The following MAD1L1 variants were observed in gnomAD, a reference collection of about 807,000 sequenced individuals.
MAD1L1 encodes the protein mitotic arrest deficient 1 like 1.
MAD1L1 carries 95 observed loss-of-function variants against 96.9 expected under a neutral mutation model. The observed-to-expected ratio is 0.98, with a 90% confidence interval of 0.83 to 1.16. The LOEUF (loss-of-function observed/expected upper bound fraction) is 1.16. Ranked by LOEUF, MAD1L1 falls within the 50% of genes most tolerant of loss-of-function variation. MAD1L1 has a pLI of 0.00. For missense variants in MAD1L1, 1,007 were observed against 954.4 expected (o/e 1.06, Z -0.73); for synonymous variants, 473 against 396.6 (o/e 1.19, Z -2.29).
intron 15 of MAD1L1, among the ~76,000 whole-genome samples, chr7:1,975,135 C>A (rs987495953): frequency 1.3e-5 from 2 of 152,212 alleles, no homozygotes; most frequent in Admixed American, 1.3e-4. Flanking sequence ...CAGCCTTCAC[C>A]CTGTTGACCT....
At position 2,149,306 on chromosome 7, in the gene MAD1L1, A is replaced by G. The variant is rs1332215693; in HGVS notation, c.987-68T>C. On this transcript the variant is annotated intron_variant, in intron 10 of 18. Coordinates refer to ENST00000265854, the MANE Select transcript of MAD1L1 (RefSeq NM_001013836.2). ...GAAGTAAACCTGATTCTGCACACAAAACAGAAGGCCAAAAGCAACCTCTGT... is the reference window on the plus strand; with the variant it reads ...GAAGTAAACCTGATTCTGCACACAAGACAGAAGGCCAAAAGCAACCTCTGT... 30 of 1,306,388 alleles carry G rather than the reference A, an allele frequency of 2.3e-5. No individual in the cohort carries two copies. The East Asian group carries it at 3.7e-4, about 16-fold the overall frequency. 80.9% of individuals were successfully genotyped at this position (1,306,388 alleles called of 1,614,324 possible).
chr7:1,887,780 TGTGC>T (rs1786186478), intron 18 of MAD1L1, among the ~76,000 whole-genome samples: 1 of 146,510 alleles, frequency 6.8e-6, no homozygotes, highest in African/African-American at 2.5e-5. Context: ...TGCCTGTGTG[TGTGC>T]ATGTGTGCAT....
chr7:2,063,249 C>A (rs994989570), intron 12 of MAD1L1, among the ~76,000 whole-genome samples: 2 of 152,160 alleles, frequency 1.3e-5, no homozygotes, highest in Admixed American at 6.6e-5. Context: ...GACCTCACTG[C>A]GCCAAAATCT....
At chr7:1,908,651 C>T (rs1228649314) in intron 17 of MAD1L1, among the ~76,000 whole-genome samples, 1 of 152,180 alleles carries the variant, frequency 6.6e-6, no homozygotes, top group East Asian at 1.9e-4. Flanking sequence ...GTGAGCCCCG[C>T]ACCCGGCCTC....
chr7:2,030,585 G>A (rs889221471), intron 12 of MAD1L1, among the ~76,000 whole-genome samples: 26 of 152,186 alleles, frequency 1.7e-4, no homozygotes, highest in Non-Finnish European at 3.1e-4. Flanking sequence ...ACAGGTGGCC[G>A]GACCCCGCAG....
intron 18 of MAD1L1, among the ~76,000 whole-genome samples, chr7:1,860,435 G>C (rs1784488175): frequency 6.6e-6 from 1 of 150,580 alleles, no homozygotes; most frequent in Non-Finnish European, 1.5e-5. Flanking sequence ...GGTGGCCCCT[G>C]TCTCCCTAGA....
intron 17 of MAD1L1, among the ~76,000 whole-genome samples, chr7:1,908,545 G>T (rs1174058104): frequency 6.6e-6 from 1 of 152,094 alleles, no homozygotes; most frequent in Non-Finnish European, 1.5e-5. Flanking sequence ...ACCACACTGG[G>T]CTAATATATA....
chr7:2,132,401 G>A (rs1037280029), intron 11 of MAD1L1, among the ~76,000 whole-genome samples: 2 of 97,256 alleles, frequency 2.1e-5, no homozygotes, highest in African/African-American at 3.2e-5. Flanking sequence ...CATCACGGCC[G>A]CGTGCAGTCG....
Position 2,222,561 on chromosome 7 carries a change from G to A in MAD1L1, c.471+14C>T. 4 of 1,570,432 alleles carry A rather than the reference G, an allele frequency of 2.5e-6. No homozygotes were observed. Among genetic ancestry groups the A allele is most frequent in the Non-Finnish European group, 3.5e-6 (4 of 1,157,576 alleles). The stretch of plus-strand genomic sequence containing the variant: ...CGGGAAAACAGCTCCCTGCGCAGCA[G>A]AGGCCCCGCTCACCTCGCCAGCCTG... On this transcript the variant is annotated intron_variant, in intron 5 of 18. Coordinates refer to ENST00000265854, the MANE Select transcript of MAD1L1 (RefSeq NM_001013836.2).
intron 14 of MAD1L1, among the ~76,000 whole-genome samples, chr7:1,988,830 T>C (rs1278904789): frequency 3.3e-5 from 5 of 152,320 alleles, no homozygotes; most frequent in African/African-American, 1.2e-4. Flanking sequence ...TCATTCTCTC[T>C]GGCCAAACCC....
chr7:2,008,700 A>T (rs2008263), intron 13 of MAD1L1, among the ~76,000 whole-genome samples: 1 of 151,420 alleles, frequency 6.6e-6, no homozygotes, highest in African/African-American at 2.4e-5. Flanking sequence ...GTGCAGACAC[A>T]CAGGAAGCTC....
chr7:2,205,451 C>T (rs1792550552), intron 10 of MAD1L1, among the ~76,000 whole-genome samples: 1 of 152,200 alleles, frequency 6.6e-6, no homozygotes, highest in African/African-American at 2.4e-5. Context: ...GAGATGCCAC[C>T]TGGACTTGTG....
In MAD1L1 at chr7:1,912,926, G is replaced by A. The variant is rs59729366; in HGVS notation, c.1808-14536C>T. On this transcript the variant is annotated intron_variant, in intron 17 of 18. Coordinates refer to ENST00000265854, the MANE Select transcript of MAD1L1 (RefSeq NM_001013836.2). ...GTGGGGGCGGGGCTGTGTGGGCTCC[G>A]GCCGCTTTGCATGCCGCGTTCATGA... Among the ~76,000 whole-genome samples, 634 of 151,546 alleles carry A rather than the reference G, an allele frequency of 4.2e-3. 17 individuals carry two copies. In the East Asian group the frequency reaches 0.099, roughly 24 times the overall value.
chr7:1,884,265 G>A (rs984886210), intron 18 of MAD1L1, among the ~76,000 whole-genome samples: 15 of 152,130 alleles, frequency 9.9e-5, no homozygotes, highest in South Asian at 6.2e-4. Flanking sequence ...ACACCTGGGC[G>A]CCCAAGAGCA....
chr7:2,054,088 A>G (rs1784295822), intron 12 of MAD1L1, among the ~76,000 whole-genome samples: 1 of 152,206 alleles, frequency 6.6e-6, no homozygotes, highest in Non-Finnish European at 1.5e-5. Context: ...TGCTGCTCCC[A>G]GCCCACCTCC....
rs1046212204 is a variant in MAD1L1, at chr7:1,986,001, G to C, written c.1417-5460C>G. The stretch of plus-strand genomic sequence containing the variant: ...TTCTGTGAAACTTTTTCTGCCACTT[G>C]TTTTTGTTCTTTTTCTCCTTTGCTC... On this transcript the variant is annotated intron_variant, in intron 14 of 18. Coordinates refer to ENST00000265854, the MANE Select transcript of MAD1L1 (RefSeq NM_001013836.2). 1.4e-4 allele frequency among the ~76,000 whole-genome samples: 22 copies of C among 152,270 alleles called. No individual in the cohort carries two copies. In the East Asian group the frequency reaches 3.9e-3, roughly 27 times the overall value.
At chr7:1,948,536 C>T (rs547531466) in intron 16 of MAD1L1, among the ~76,000 whole-genome samples, 6 of 152,306 alleles carry the variant, frequency 3.9e-5, no homozygotes, top group East Asian at 1.9e-4. Flanking sequence ...CTGGCCTTCC[C>T]GGCCTGAGAC....
chr7:2,007,506 A>ACCCCG (rs57193072), intron 13 of MAD1L1, among the ~76,000 whole-genome samples: 81,083 of 151,054 alleles, frequency 0.54, 22,936 homozygotes, highest in East Asian at 0.73. Context: ...ACATGGTGAA[A>ACCCCG]TTACTAAAAA....
At chr7:1,940,957 T>A (rs1778938737) in intron 16 of MAD1L1, among the ~76,000 whole-genome samples, 1 of 151,064 alleles carries the variant, frequency 6.6e-6, no homozygotes, top group Admixed American at 6.6e-5. Flanking sequence ...CTCCTCTTCC[T>A]CCCCCCGCAG....
Sources: allele counts gnomAD v4.1 joint callset (sites outside exome capture counted in the v4.1 genomes callset), GRCh38; gene constraint gnomAD v4.1.1; transcripts MANE v1.5; gene names NCBI Gene and HGNC (gene_info 2026-07-23, HGNC 2026-07-21).